TPO: variants seen among roughly 807,000 people sequenced by gnomAD.
The protein encoded by TPO is thyroid microsomal antigen.
A neutral mutation model predicts 96.9 loss-of-function variants in TPO; 78 were observed. The ratio of observed to expected loss-of-function variants is 0.81; its 90% CI spans 0.67 to 0.97. The LOEUF (loss-of-function observed/expected upper bound fraction) is 0.97, where lower values mean the gene tolerates loss of function less well. Among genes scored for constraint, TPO ranks in the 50% least tolerant of loss-of-function variants. TPO has a pLI of 0.00. For synonymous variants in TPO, 547 were observed against 538.0 expected (o/e 1.02, Z -0.23); for missense variants, 1,252 against 1,274.8 (o/e 0.98, Z 0.27).
intron 7 of TPO, among the ~76,000 whole-genome samples, chr2:1,461,831 G>A (rs1573291333): frequency 6.6e-6 from 1 of 152,158 alleles, no homozygotes; most frequent in South Asian, 2.1e-4. Context: ...CGGACCCTGT[G>A]TAACTCAGGA....
At chr2:1,416,744 C>A (rs993402258) in intron 2 of TPO, among the ~76,000 whole-genome samples, 2 of 152,226 alleles carry the variant, frequency 1.3e-5, no homozygotes, top group African/African-American at 4.8e-5. Context: ...ATTTTACAGC[C>A]TTTAATAGTT....
chr2:1,382,006 GAGTTTT>G (rs1297936011), intron 1 of TPO, among the ~76,000 whole-genome samples: 2 of 152,120 alleles, frequency 1.3e-5, no homozygotes, highest in Non-Finnish European at 2.9e-5. Flanking sequence ...GAAGATGGAG[GAGTTTT>G]TACCCCAATC....
intron 1 of TPO, among the ~76,000 whole-genome samples, chr2:1,376,991 T>C (rs1007055041): frequency 3.3e-5 from 5 of 152,108 alleles, no homozygotes; most frequent in Non-Finnish European, 7.4e-5. Flanking sequence ...AAAGACAAAA[T>C]AGATAATATG....
intron 7 of TPO, among the ~76,000 whole-genome samples, chr2:1,471,442 C>T (rs552005908): frequency 6.7e-6 from 1 of 149,278 alleles, no homozygotes; most frequent in Non-Finnish European, 1.5e-5. Flanking sequence ...TTCCTGTGAC[C>T]CCCCCCCACA....
At position 1,434,004 on chromosome 2, in the gene TPO, A is replaced by G. The variant is rs114499838; in HGVS notation, c.349+397A>G. Among the ~76,000 whole-genome samples, 937 of 152,292 alleles carry G rather than the reference A, an allele frequency of 6.2e-3. 8 individuals are homozygous for G. Among genetic ancestry groups the G allele is most frequent in the African/African-American group, 0.022 (897 of 41,562 alleles). On this transcript the variant is annotated intron_variant, in intron 4 of 16. Transcript: ENST00000329066. ...GAGGCAGCGCATTGCAGGGAGCCCC[A>G]TCTTCCCACTGAGTTGCTGGTGCCT...
At chr2:1,411,797 C>A (rs1249951356), upstream of TPO, among the ~76,000 whole-genome samples, 2 of 152,154 alleles carry the variant, frequency 1.3e-5, no homozygotes, top group Admixed American at 6.5e-5. Context: ...TCAGACTTTC[C>A]CACCTTTGTC....
intron 15 of TPO, among the ~76,000 whole-genome samples, chr2:1,535,011 A>C (rs1164390752): frequency 1.0e-4 from 7 of 68,470 alleles, no homozygotes; most frequent in South Asian, 4.9e-4. Flanking sequence ...AAATCGCCGC[A>C]AGTGTGTACA....
intron 7 of TPO, among the ~76,000 whole-genome samples, chr2:1,466,315 C>G (rs1261465637): frequency 6.6e-6 from 1 of 152,126 alleles, no homozygotes; most frequent in Non-Finnish European, 1.5e-5. Context: ...AGGATTTTAG[C>G]ATCTATGTTC....
At chr2:1,506,090 T>C (rs1412389669) in intron 14 of TPO, among the ~76,000 whole-genome samples, 2 of 151,734 alleles carry the variant, frequency 1.3e-5, no homozygotes, top group African/African-American at 4.8e-5. Context: ...CCTGTGTCCA[T>C]GTGTTCTCAT....
Position 1,484,566 on chromosome 2 carries a change from C to T in TPO, c.1339-30C>T, listed in dbSNP as rs760758296. On this transcript the variant is annotated intron_variant, in intron 8 of 16. Transcript: ENST00000329066. Reference sequence around the variant, plus strand: ...GCGACCCTCCTCTGGTATCCTGGGCCTCACTGAGATGCTTTTCCTATCTGC... The same window carrying T: ...GCGACCCTCCTCTGGTATCCTGGGCTTCACTGAGATGCTTTTCCTATCTGC... 7 of 1,613,770 alleles carry T rather than the reference C, an allele frequency of 4.3e-6. No homozygotes were observed. The Admixed American group carries it at 6.7e-5, about 15-fold the overall frequency.
At chr2:1,414,529 C>G in intron 2 of TPO, 27 bp downstream of exon 2, 1 of 1,606,100 alleles carries the variant, frequency 6.2e-7, no homozygotes, top group African/African-American at 1.3e-5. Flanking sequence ...TTGCGGTCTT[C>G]TGGCCTTATA....
At position 1,438,740 on chromosome 2, in the gene TPO, C is replaced by A. The variant is rs1665854652; in HGVS notation, c.482+2356C>A. On this transcript the variant is annotated intron_variant, in intron 5 of 16. Coordinates refer to ENST00000329066, the MANE Select transcript of TPO (RefSeq NM_001206744.2). ...AGTAGGCCTCACACATGATCTAAAT[C>A]TTGCTTGATTTGCAAACAGAAGAGA... is the stretch of plus-strand genomic sequence containing the variant. 5 of 698,952 alleles carry A rather than the reference C, an allele frequency of 7.2e-6. No individual in the cohort carries two copies. In the Admixed American group the frequency reaches 1.0e-4, roughly 15 times the overall value. The allele number at this position is 698,952 out of a possible 1,614,324, so 43.3% of individuals were successfully genotyped here.
chr2:1,418,008 T>C (rs988356863), intron 2 of TPO, among the ~76,000 whole-genome samples: 13 of 151,706 alleles, frequency 8.6e-5, no homozygotes, highest in African/African-American at 3.1e-4. Context: ...ATCAGGCCAG[T>C]GCCATGACTC....
At chr2:1,388,950 A>C (rs1661950392) in intron 1 of TPO, among the ~76,000 whole-genome samples, 2 of 152,358 alleles carry the variant, frequency 1.3e-5, no homozygotes, top group African/African-American at 4.8e-5. Flanking sequence ...CTTTTGCCCC[A>C]AATAAGTGAA....
At chr2:1,485,432 C>T (rs193150439) in intron 9 of TPO, among the ~76,000 whole-genome samples, 104 of 152,188 alleles carry the variant, frequency 6.8e-4, no homozygotes, top group African/African-American at 1.3e-3. Flanking sequence ...GTAATTGGAT[C>T]GCTGGGTCAA....
At chr2:1,498,726 C>A (rs28912981) in intron 13 of TPO, among the ~76,000 whole-genome samples, 1 of 152,134 alleles carries the variant, frequency 6.6e-6, no homozygotes, top group East Asian at 1.9e-4. Context: ...ACTACTCTGT[C>A]GGGTGATGAC....
chr2:1,408,416 C>T (rs966031803), intron 1 of TPO, among the ~76,000 whole-genome samples: 2 of 152,204 alleles, frequency 1.3e-5, no homozygotes, highest in African/African-American at 4.8e-5. Flanking sequence ...AGCATCCTCA[C>T]CCAGCCTTGG....
At chr2:1,439,133 T>C (rs1665904035) in intron 5 of TPO, 2 of 374,424 alleles carry the variant, frequency 5.3e-6, no homozygotes, top group Non-Finnish European at 9.7e-6. Flanking sequence ...TGCTCGGCCC[T>C]TCTGAAAGGC....
chr2:1,506,814 T>C (rs1280623341), intron 14 of TPO, among the ~76,000 whole-genome samples: 8 of 152,202 alleles, frequency 5.3e-5, no homozygotes, highest in Admixed American at 1.3e-4. Context: ...GTTGCAAAAA[T>C]TTTCTCCCAT....
Sources: allele counts gnomAD v4.1 joint callset (sites outside exome capture counted in the v4.1 genomes callset), GRCh38; gene constraint gnomAD v4.1.1; transcripts MANE v1.5; gene names NCBI Gene and HGNC (gene_info 2026-07-23, HGNC 2026-07-21).